Variants in CREBL2 observed in about 807,000 individuals in gnomAD.
The protein encoded by CREBL2 is cAMP responsive element binding protein like 2, also known as cAMP-responsive element-binding protein-like 2.
Under a neutral mutation model 19.5 loss-of-function variants are expected in CREBL2, and 4 were observed. The observed-to-expected ratio is 0.20, with a 90% CI of 0.10 to 0.47. The LOEUF is 0.47. CREBL2 is among the 20% of genes least tolerant of loss of function. The pLI is 0.98. For missense variants in CREBL2, 85 were observed against 145.1 expected, an observed-to-expected ratio of 0.59 and a Z score of 2.13; for synonymous variants, 42 against 46.6, an observed-to-expected ratio of 0.90 and a Z score of 0.40.
intron 1 of CREBL2, among the ~76,000 whole-genome samples, chr12:12,627,894 C>CA (rs1945414432): frequency 6.6e-6 from 1 of 151,442 alleles, no homozygotes. Flanking sequence ...TACTGGTTGT[C>CA]TTTTTTTTTG....
chr12:12,641,922 C>A, intron 3 of CREBL2, 72 bp from the exon 4 acceptor site: 3 of 999,780 alleles, frequency 3.0e-6, no homozygotes, highest in Non-Finnish European at 4.3e-6. Flanking sequence ...AAAATTTATG[C>A]ATCTTAAAAC....
chr12:12,625,466 A>G (rs1041376544), intron 1 of CREBL2, among the ~76,000 whole-genome samples: 25 of 152,244 alleles, frequency 1.6e-4, no homozygotes, highest in African/African-American at 7.2e-5. Flanking sequence ...GTTACATTAA[A>G]TGAATGACTG....
At chr12:12,618,512 T>C (rs1275931939) in intron 1 of CREBL2, among the ~76,000 whole-genome samples, 7 of 148,008 alleles carry the variant, frequency 4.7e-5, no homozygotes, top group Non-Finnish European at 1.0e-4. Context: ...CTAGACGGGA[T>C]GGCGGCCGGG....
At chr12:12,641,241 A>AT in intron 3 of CREBL2, among the ~76,000 whole-genome samples, 1 of 15,464 alleles carries the variant, frequency 6.5e-5, no homozygotes, top group African/African-American at 1.1e-4. Flanking sequence ...TATTATTATT[A>AT]TTATTATTAT....
intron 3 of CREBL2, among the ~76,000 whole-genome samples, chr12:12,640,677 T>A (rs1206921107): frequency 2.0e-5 from 3 of 152,232 alleles, no homozygotes; most frequent in Non-Finnish European, 2.9e-5. Flanking sequence ...CATATTAATA[T>A]GAAATCTTCA....
At chr12:12,632,973 A>T (rs1592241396) in intron 1 of CREBL2, among the ~76,000 whole-genome samples, 1 of 150,052 alleles carries the variant, frequency 6.7e-6, no homozygotes, top group African/African-American at 2.4e-5. Context: ...TGCTCTTGTC[A>T]TCTAGCCTGG....
rs763311 is a variant in CREBL2 at position 12,643,133 on chromosome 12, G to T, written c.*1135G>T. ...GTGCATCTGGTTCAGCCCTGGATAT[G>T]CCTCCACTGTGGAGGGAAGCATTGG... On this transcript the variant is annotated 3_prime_UTR_variant, in exon 4 of 4. Coordinates refer to ENST00000228865, the MANE Select transcript of CREBL2 (RefSeq NM_001310.4). 0.016 allele frequency: 2,390 copies of T among 152,710 alleles called. 28 individuals carry two copies. Among genetic ancestry groups the T allele is most frequent in the Non-Finnish European group, 0.025 (1,673 of 68,026 alleles). 9.5% of individuals were successfully genotyped at this position (152,710 alleles called of 1,614,324 possible).
intron 1 of CREBL2, among the ~76,000 whole-genome samples, chr12:12,627,428 C>A (rs914651267): frequency 1.8e-4 from 27 of 152,196 alleles, no homozygotes; most frequent in African/African-American, 6.0e-4. Flanking sequence ...CTTCTCAGCC[C>A]TAAGCAACCA....
chr12:12,611,978 G>A lies in CREBL2; in HGVS notation c.-195G>A. ...AGGGAGGCGTTTGGGGCCGCCTCCAGGGTCCGCTCTGCCATTCCTGAACTG... is the reference window on the plus strand; with the variant it reads ...AGGGAGGCGTTTGGGGCCGCCTCCAAGGTCCGCTCTGCCATTCCTGAACTG... On this transcript the variant is annotated 5_prime_UTR_variant, in exon 1 of 4. Coordinates refer to ENST00000228865, the MANE Select transcript of CREBL2 (RefSeq NM_001310.4). 1.6e-6 allele frequency: 1 copy of A among 636,482 alleles called. No homozygotes were observed. Among genetic ancestry groups the A allele is most frequent in the Non-Finnish European group, 2.7e-6 (1 of 375,712 alleles). 39.4% of individuals were successfully genotyped at this position (636,482 alleles called of 1,614,324 possible).
At chr12:12,613,990 C>CTTTTTTTTTTTTTTTTTT (rs57522744) in intron 1 of CREBL2, among the ~76,000 whole-genome samples, 12 of 72,904 alleles carry the variant, frequency 1.6e-4, no homozygotes, top group African/African-American at 4.4e-4. Context: ...TCTTTTTTTT[C>CTTTTTTTTTTTTTTTTTT]TTTTTTTTTT....
chr12:12,637,788 C>G (rs940180954), intron 3 of CREBL2, 74 bp downstream of exon 3: 87 of 1,442,500 alleles, frequency 6.0e-5, no homozygotes, highest in Non-Finnish European at 7.6e-5. Flanking sequence ...TGACTGTAAT[C>G]CTAGCACTTT....
intron 1 of CREBL2, among the ~76,000 whole-genome samples, chr12:12,613,676 G>T (rs543481711): frequency 6.6e-6 from 1 of 152,176 alleles, no homozygotes; most frequent in African/African-American, 2.4e-5. Flanking sequence ...AAGACAGAAG[G>T]GGGGCGAGTT....
intron 1 of CREBL2, among the ~76,000 whole-genome samples, chr12:12,631,528 A>G (rs1049684054): frequency 6.6e-6 from 1 of 152,224 alleles, no homozygotes; most frequent in African/African-American, 2.4e-5. Context: ...TTGTTTACCC[A>G]TATTAATATG....
chr12:12,618,984 C>T lies in CREBL2; in HGVS notation c.15+6797C>T, dbSNP rs1174552356. ...GGGAGGTTGCAGTGAGCCGAGATGGCGGCAGTACAGTCCAGCCTCAGCTGG... is the reference window on the plus strand; with the variant it reads ...GGGAGGTTGCAGTGAGCCGAGATGGTGGCAGTACAGTCCAGCCTCAGCTGG... On this transcript the variant is annotated intron_variant, in intron 1 of 3. Coordinates refer to ENST00000228865, the MANE Select transcript of CREBL2 (RefSeq NM_001310.4). Among the ~76,000 whole-genome samples the T allele has an allele frequency of 3.9e-5, 6 of 151,950 alleles. No individual in the cohort carries two copies. The South Asian group carries it at 6.2e-4, about 16-fold the overall frequency.
chr12:12,623,288 C>T (rs1393054595), intron 1 of CREBL2, among the ~76,000 whole-genome samples: 1 of 151,844 alleles, frequency 6.6e-6, no homozygotes, highest in East Asian at 1.9e-4. Context: ...GTAGAAAACA[C>T]AGCTTCTGTG....
chr12:12,623,821 C>T (rs562473669), intron 1 of CREBL2, among the ~76,000 whole-genome samples: 74 of 152,284 alleles, frequency 4.9e-4, no homozygotes, highest in African/African-American at 1.7e-3. Flanking sequence ...GCTTATCCTC[C>T]ATTATGTGGA....
At chr12:12,640,577 T>C (rs1304999582) in intron 3 of CREBL2, among the ~76,000 whole-genome samples, 2 of 152,168 alleles carry the variant, frequency 1.3e-5, no homozygotes, top group Non-Finnish European at 2.9e-5. Flanking sequence ...GTGACATACA[T>C]CCTCAGCTTA....
chr12:12,616,760 C>T (rs1167814822), intron 1 of CREBL2, among the ~76,000 whole-genome samples: 1 of 152,170 alleles, frequency 6.6e-6, no homozygotes, highest in Non-Finnish European at 1.5e-5. Flanking sequence ...TTTTCCCTCA[C>T]ATTCTGTATG....
chr12:12,637,715 G>C lies in CREBL2; in HGVS notation c.358+1G>C. ...AAGACAGATGCTAATAGCAATTCCT[G>C]TAAGTGCCATCAATGGGAGAATTTA... On this transcript the variant is annotated splice_donor_variant, in intron 3 of 3. Coordinates refer to ENST00000228865, the MANE Select transcript of CREBL2 (RefSeq NM_001310.4). LOFTEE classifies it high-confidence loss of function. 1 of 1,608,066 alleles carries C rather than the reference G, an allele frequency of 6.2e-7. No individual in the cohort carries two copies. The highest frequency in any genetic ancestry group is 8.5e-7 in the Non-Finnish European group (1 of 1,177,870).
Sources: gnomAD v4.1 joint callset for allele counts (sites outside exome capture counted in the v4.1 genomes callset) on GRCh38, gnomAD v4.1.1 for gene constraint, MANE v1.5 for transcripts, NCBI Gene and HGNC (gene_info 2026-07-23, HGNC 2026-07-21) for gene names.